Variants in MSN observed in about 807,000 individuals in gnomAD.
The protein encoded by MSN is moesin, also known as epididymis luminal protein 70.
Under a neutral mutation model 48.0 loss-of-function variants are expected in MSN, and 2 were observed. The observed-to-expected ratio is 0.04, with a 90% CI of 0.02 to 0.13. The LOEUF (loss-of-function observed/expected upper bound fraction) is 0.13. Among genes scored for constraint, MSN ranks in the 10% least tolerant of loss-of-function variants. The pLI, the probability that MSN is intolerant of heterozygous loss-of-function variation, is 1.00. For synonymous variants in MSN, 146 were observed against 166.9 expected (o/e 0.87, Z 0.97); for missense variants, 267 against 470.1 (o/e 0.57, Z 3.99).
At chrX:65,602,280 A>C (rs971261068) in intron 1 of MSN, among the ~76,000 whole-genome samples, 1 of 111,599 alleles carries the variant, frequency 9.0e-6, no homozygotes, top group African/African-American at 3.3e-5. Context: ...CAGGGAATTA[A>C]TGATAGAGTG....
upstream of MSN, among the ~76,000 whole-genome samples, chrX:65,664,627 A>G (rs1041667460): frequency 1.9e-5 from 2 of 106,679 alleles, no homozygotes; most frequent in Non-Finnish European, 3.9e-5. Flanking sequence ...CTCTCTCTCT[A>G]TTTCCCATCC....
rs35256397 is a variant in MSN, at chrX:65,651,561, T to TTTATTATTATTATTA, written c.-22+62976_-22+62990dup. 3.4e-3 allele frequency among the ~76,000 whole-genome samples: 326 copies of TTTATTATTATTATTA among 94,500 alleles called. 4 individuals carry two copies. Among genetic ancestry groups the TTTATTATTATTATTA allele is most frequent in the African/African-American group, 0.013 (319 of 24,258 alleles). The allele number at this position is 94,500 out of a possible 115,157, so 82.1% of individuals were successfully genotyped here. ...AAAATGGGCAAGGAAAGAAGTAATATTTATTATTATTATTATTATTATTAT... is the reference window on the plus strand; with the variant it reads ...AAAATGGGCAAGGAAAGAAGTAATATTTATTATTATTATTATTATTATTATTATTATTATTATTAT... On this transcript the variant is annotated intron_variant, in intron 1 of 3. Coordinates refer to the MSN transcript ENST00000609672.
At chrX:65,697,448 A>C (rs1352212285) in intron 1 of MSN, among the ~76,000 whole-genome samples, 1 of 111,555 alleles carries the variant, frequency 9.0e-6, no homozygotes, top group Non-Finnish European at 1.9e-5. Flanking sequence ...AGGGAGTCCG[A>C]GCTGTTTAGA....
intron 1 of MSN, among the ~76,000 whole-genome samples, chrX:65,688,663 C>T (rs2071142482): frequency 8.9e-6 from 1 of 111,944 alleles, no homozygotes; most frequent in Non-Finnish European, 1.9e-5. Flanking sequence ...GGTTGCCCAA[C>T]CTCTTTTCAG....
chrX:65,730,903 T>C (rs1427546347), intron 4 of MSN, among the ~76,000 whole-genome samples: 1 of 112,046 alleles, frequency 8.9e-6, no homozygotes, highest in Non-Finnish European at 1.9e-5. Context: ...TCATCCATTC[T>C]TGTAGCTCTC....
intron 1 of MSN, among the ~76,000 whole-genome samples, chrX:65,622,317 C>A (rs1441928303): frequency 9.2e-6 from 1 of 108,650 alleles, no homozygotes; most frequent in Non-Finnish European, 1.9e-5. Flanking sequence ...TCAGGTTGGT[C>A]TTCAACTCCT....
intron 1 of MSN, among the ~76,000 whole-genome samples, chrX:65,593,789 T>C (rs2070166660): frequency 1.8e-5 from 2 of 112,733 alleles, no homozygotes; most frequent in African/African-American, 6.4e-5. Context: ...GTGATCCACC[T>C]GCCTCAGCCT....
In MSN at chrX:65,729,469, C is replaced by T. The variant is rs1167329577; in HGVS notation, c.224C>T (p.Pro75Leu). 8.3e-7 allele frequency: 1 copy of T among 1,211,206 alleles called. No homozygotes were observed. The highest frequency in any genetic ancestry group is 1.7e-5 in the African/African-American group (1 of 57,696). Residue 75 changes from proline to leucine, a missense_variant, in exon 4 of 13, where the codon CCC becomes CTC. By Grantham distance (98) the Pro-to-Leu change is moderately conservative. Around this residue, in one of 5 missense-constraint regions of MSN, gnomAD observed 89 missense variants for 151.0 expected, o/e 0.59. Transcript: ENST00000360270. ...GCCCAGGATGTGCGGAAGGAAAGCCCCCTGCTCTTTAAGTTCCGTGCCAAG... is the reference window on the plus strand; with the variant it reads ...GCCCAGGATGTGCGGAAGGAAAGCCTCCTGCTCTTTAAGTTCCGTGCCAAG... ...VTAQDVRKES[P>L]LLFKFRAKFY... is the part of the protein sequence containing the mutation.
chrX:65,717,435 A>G lies in MSN; in HGVS notation c.96+534A>G, dbSNP rs57046471. On this transcript the variant is annotated intron_variant, in intron 2 of 12. Coordinates refer to ENST00000360270, the MANE Select transcript of MSN (RefSeq NM_002444.3). ...AAAGAATGTTGGGACTTAGGACAACATGGGAGTTGATGGATGCAGTAGGAG... is the reference window on the plus strand; with the variant it reads ...AAAGAATGTTGGGACTTAGGACAACGTGGGAGTTGATGGATGCAGTAGGAG... Among the ~76,000 whole-genome samples the G allele has an allele frequency of 2.2e-3, 247 of 111,938 alleles. 1 individual carries two copies. The highest frequency in any genetic ancestry group is 7.5e-3 in the African/African-American group (230 of 30,800).
At chrX:65,634,325 A>G (rs915942819) in intron 1 of MSN, among the ~76,000 whole-genome samples, 3 of 112,549 alleles carry the variant, frequency 2.7e-5, no homozygotes, top group Admixed American at 9.4e-5. Context: ...ACAATAAGCC[A>G]TTGAAGGCCA....
chrX:65,737,098 G>T, intron 9 of MSN, 80 bp from the exon 10 acceptor site: 1 of 1,143,327 alleles, frequency 8.7e-7, no homozygotes, highest in Non-Finnish European at 1.2e-6. Context: ...TCTTGGGGTG[G>T]ATCATTTCCA....
At chrX:65,665,192 G>A (rs1345194914), upstream of MSN, among the ~76,000 whole-genome samples, 1 of 111,807 alleles carries the variant, frequency 8.9e-6, no homozygotes, top group Non-Finnish European at 1.9e-5. Context: ...AGTTGGAGTC[G>A]CCAAGTAAAT....
In MSN at chrX:65,590,559, C is replaced by T. The variant is rs1241034617; in HGVS notation, c.-22+1947C>T. 5.4e-5 allele frequency among the ~76,000 whole-genome samples: 6 copies of T among 111,031 alleles called. 1 individual carries two copies. The highest frequency in any genetic ancestry group is 9.6e-5 in the Admixed American group (1 of 10,466). ...CACACTTGGCATGGTGCTTGGGACT[C>T]GAATCTATAGACTTCCGGCACAATT... On this transcript the variant is annotated intron_variant, in intron 1 of 3. Coordinates refer to the MSN transcript ENST00000609672.
At chrX:65,685,441 A>G (rs1287256138) in intron 1 of MSN, among the ~76,000 whole-genome samples, 1 of 111,719 alleles carries the variant, frequency 9.0e-6, no homozygotes, top group Admixed American at 9.5e-5. Context: ...AAGGAAAGAA[A>G]CTTTGTGAGT....
At chrX:65,655,105 C>T (rs2070772308) in intron 1 of MSN, among the ~76,000 whole-genome samples, 1 of 111,022 alleles carries the variant, frequency 9.0e-6, no homozygotes, top group Non-Finnish European at 1.9e-5. Flanking sequence ...AGTAAGCATA[C>T]ACACAAAAAA....
rs1174538089 is a variant in MSN at position 65,735,341 on chromosome X, A to T, written c.870A>T (p.Leu290=). The T allele has an allele frequency of 8.3e-6, 10 of 1,210,110 alleles. No individual in the cohort carries two copies. The highest frequency in any genetic ancestry group is 1.1e-5 in the Non-Finnish European group (10 of 894,690). The change falls in exon 8 of 13, where the codon CTA becomes CTT. Residue 290 remains leucine, a synonymous_variant. Transcript: ENST00000360270. ...CCTTGTGCATGGGGAACCATGAACT[A>T]TACATGCGCCGTCGCAAGCCTGATA... ...ILALCMGNHE[L]YMRRRKPDTI... is the part of the protein sequence containing the mutation.
At chrX:65,632,033 T>G (rs886731382) in intron 1 of MSN, among the ~76,000 whole-genome samples, 4 of 112,103 alleles carry the variant, frequency 3.6e-5, no homozygotes, top group African/African-American at 1.3e-4. Flanking sequence ...GTACAGGTTT[T>G]CTTGTGAACA....
rs756272887 is a variant in MSN, at chrX:65,729,722, T to G, written c.467+10T>G. The stretch of plus-strand genomic sequence containing the variant: ...AGTTGCTCCCGCAGAGGTGAGGTGG[T>G]TCCCTGCCCTCCTTTGCCTTGGCCA... On this transcript the variant is annotated intron_variant, in intron 4 of 12. Transcript: ENST00000360270. 1 of 1,205,509 alleles carries G rather than the reference T, an allele frequency of 8.3e-7. No homozygotes were observed.
At chrX:65,608,440 T>G (rs1453757541) in intron 1 of MSN, among the ~76,000 whole-genome samples, 1 of 107,523 alleles carries the variant, frequency 9.3e-6, no homozygotes, top group Non-Finnish European at 1.9e-5. Flanking sequence ...GTATGTGAGG[T>G]GTGTGTGTGT....
Sources: gnomAD v4.1 joint callset for allele counts (sites outside exome capture counted in the v4.1 genomes callset) on GRCh38, gnomAD v4.1.1 for gene constraint, gnomAD v4.1.1 regional missense constraint, MANE v1.5 for transcripts, NCBI Gene and HGNC (gene_info 2026-07-23, HGNC 2026-07-21) for gene names.